Variants in KCNG4 observed in about 807,000 individuals in gnomAD.
KCNG4 encodes potassium voltage-gated channel modifier subfamily G member 4.
Under a neutral mutation model 28.2 loss-of-function variants are expected in KCNG4, and 30 were observed. The observed-to-expected ratio is 1.06, with a 90% CI of 0.80 to 1.44. The LOEUF is 1.44. Ranked by LOEUF, KCNG4 falls within the 40% of genes most tolerant of loss-of-function variation. The pLI is 0.00. For missense variants in KCNG4, 879 were observed against 712.3 expected, an observed-to-expected ratio of 1.23 and a Z score of -2.66; for synonymous variants, 375 against 315.5, an observed-to-expected ratio of 1.19 and a Z score of -2.00.
At chr16:84,228,196 T>G (rs1904739959) in intron 2 of KCNG4, among the ~76,000 whole-genome samples, 1 of 152,330 alleles carries the variant, frequency 6.6e-6, no homozygotes, top group Admixed American at 6.5e-5. Context: ...GGAAGCTCCA[T>G]CTGGGAGGGG....
intron 2 of KCNG4, among the ~76,000 whole-genome samples, chr16:84,230,980 G>A (rs1904814472): frequency 6.6e-6 from 1 of 152,230 alleles, no homozygotes; most frequent in South Asian, 2.1e-4. Flanking sequence ...GGCAGACACT[G>A]GAAGGGGATG....
At chr16:84,237,598 C>T (rs527866182) in intron 1 of KCNG4, 73 bp from the exon 2 acceptor site, 9 of 1,041,502 alleles carry the variant, frequency 8.6e-6, no homozygotes, top group South Asian at 8.4e-5. Flanking sequence ...CTGGATGTCA[C>T]GACTGCAGAT....
intron 2 of KCNG4, 28 bp downstream of exon 2, chr16:84,236,702 G>A (rs1020417184): frequency 8.8e-6 from 14 of 1,585,388 alleles, no homozygotes; most frequent in Non-Finnish European, 1.2e-5. Flanking sequence ...GCGGGATGGA[G>A]CCGTGAATGC....
intron 1 of KCNG4, 124 bp downstream of exon 1, chr16:84,239,546 G>C (rs1036298718): frequency 6.6e-6 from 1 of 152,166 alleles, no homozygotes; most frequent in Non-Finnish European, 1.5e-5. Flanking sequence ...GCTCCTTCTG[G>C]AGCACGGGAA....
At chr16:84,238,792 C>T (rs975065023) in intron 1 of KCNG4, among the ~76,000 whole-genome samples, 5 of 151,974 alleles carry the variant, frequency 3.3e-5, no homozygotes, top group Admixed American at 1.3e-4. Context: ...CGCTTGAACC[C>T]GGGAGGCGGA....
intron 2 of KCNG4, among the ~76,000 whole-genome samples, chr16:84,229,800 T>G (rs10221182): frequency 2.0e-5 from 3 of 152,034 alleles, no homozygotes; most frequent in East Asian, 1.9e-4. Context: ...CAGGGAATAT[T>G]GCTTCTTGGC....
In KCNG4 at chr16:84,222,983, A is replaced by G. The variant is rs574273861; in HGVS notation, c.794T>C (p.Val265Ala). The G allele has an allele frequency of 1.3e-6, 2 of 1,546,076 alleles. 1 individual carries two copies. The highest frequency in any genetic ancestry group is 2.5e-5 in the South Asian group (2 of 80,654). Residue 265 changes from valine (V) to alanine (A), a missense_variant, in exon 3 of 3, where the codon GTG becomes GCG. Coordinates refer to ENST00000308251, the MANE Select transcript of KCNG4 (RefSeq NM_172347.3). ...GAACCAGGCCACGCAGATGGTCTCC[A>G]CGATGAAAATATAGTAGCACTTCCG... ...CSRKCYYIFI[V>A]ETICVAWFSL...
Position 84,222,800 on chromosome 16 carries a change from C to G in KCNG4, c.977G>C (p.Ser326Thr). 1 of 1,610,422 alleles carries G rather than the reference C, an allele frequency of 6.2e-7. No individual in the cohort carries two copies. The highest frequency in any genetic ancestry group is 8.5e-7 in the Non-Finnish European group (1 of 1,177,382). ...PPEDGERPSG[S>T]SYLEKVGLVL... ...CAGCCCCACCTTCTCCAGGTAGGAG[C>G]TCCCGCTCGGCCTCTCGCCGTCCTC... The change falls in exon 3 of 3, where the codon AGC becomes ACC. Residue 326 changes from serine to threonine, a missense_variant. By Grantham distance (58) the Ser-to-Thr change is moderately conservative (BLOSUM62 1). Coordinates refer to ENST00000308251, the MANE Select transcript of KCNG4 (RefSeq NM_172347.3).
At chr16:84,234,109 G>A (rs1410664391) in intron 2 of KCNG4, among the ~76,000 whole-genome samples, 4 of 152,128 alleles carry the variant, frequency 2.6e-5, no homozygotes, top group Admixed American at 6.5e-5. Context: ...TTTAAAATCC[G>A]GTGCCCCTTA....
In KCNG4 at chr16:84,221,112, C is replaced by T. The variant is rs1474928348; in HGVS notation, c.*1105G>A. 1 of 152,378 alleles carries T rather than the reference C, an allele frequency of 6.6e-6. No individual in the cohort carries two copies. Among genetic ancestry groups the T allele is most frequent in the Non-Finnish European group, 1.5e-5 (1 of 68,140 alleles). The allele number at this position is 152,378 out of a possible 1,614,324, so 9.4% of individuals were successfully genotyped here. A position where few individuals can be genotyped will look rare whatever the true frequency, so the allele number is the denominator to read the frequency against. On this transcript the variant is annotated 3_prime_UTR_variant, in exon 3 of 3. Transcript: ENST00000308251. ...CTCAGACCTCCATCTGCCTCCTCCC[C>T]TGGATGCAAAGGACAGACTCTGTTC... is the stretch of plus-strand genomic sequence containing the variant.
chr16:84,225,119 G>A (rs1904668323), intron 2 of KCNG4, among the ~76,000 whole-genome samples: 1 of 152,124 alleles, frequency 6.6e-6, no homozygotes, highest in Non-Finnish European at 1.5e-5. Flanking sequence ...CATTGGTCAT[G>A]GACCACAGTC....
At chr16:84,227,556 G>A (rs759232586) in intron 2 of KCNG4, among the ~76,000 whole-genome samples, 16 of 152,100 alleles carry the variant, frequency 1.1e-4, no homozygotes, top group African/African-American at 2.4e-4. Context: ...CAGCCTGGGC[G>A]ACAGAGCTAG....
intron 2 of KCNG4, among the ~76,000 whole-genome samples, chr16:84,229,257 C>A (rs910341596): frequency 5.3e-5 from 8 of 150,724 alleles, no homozygotes; most frequent in African/African-American, 2.4e-5. Flanking sequence ...TGTACCATTG[C>A]ACTCCAGCCT....
chr16:84,237,347 C>T lies in KCNG4; in HGVS notation c.139G>A (p.Val47Met). The T allele has an allele frequency of 5.7e-6, 9 of 1,568,084 alleles. No individual in the cohort carries two copies. Among genetic ancestry groups the T allele is most frequent in the Non-Finnish European group, 7.8e-6 (9 of 1,157,940 alleles). Residue 47 changes from valine (V) to methionine (M), a missense_variant, in exon 2 of 3, where the codon GTG becomes ATG. Val to Met is a conservative substitution (Grantham distance 21). Coordinates refer to ENST00000308251, the MANE Select transcript of KCNG4 (RefSeq NM_172347.3). ...KGLYYRRVRK[V>M]GALDASPVDL... Reference sequence around the variant, plus strand: ...ACTGGGGAGGCGTCCAGGGCACCCACCTTCCGCACCCTCCGGTAGTAAAGG... The same window carrying T: ...ACTGGGGAGGCGTCCAGGGCACCCATCTTCCGCACCCTCCGGTAGTAAAGG...
intron 2 of KCNG4, among the ~76,000 whole-genome samples, chr16:84,224,929 G>A (rs554669755): frequency 2.0e-5 from 3 of 152,284 alleles, no homozygotes; most frequent in East Asian, 3.9e-4. Flanking sequence ...AGAGCCTAGC[G>A]CAGTTTCAAA....
At chr16:84,234,588 G>A (rs1411463327) in intron 2 of KCNG4, among the ~76,000 whole-genome samples, 1 of 152,236 alleles carries the variant, frequency 6.6e-6, no homozygotes, top group African/African-American at 2.4e-5. Context: ...TACAGCAAAT[G>A]TCCATCCATT....
chr16:84,230,950 C>CG (rs1407062311), intron 2 of KCNG4, among the ~76,000 whole-genome samples: 1 of 152,144 alleles, frequency 6.6e-6, no homozygotes, highest in East Asian at 1.9e-4. Flanking sequence ...CGCTGACAGC[C>CG]GGAGCAGAGG....
chr16:84,231,252 G>A (rs1053340185), intron 2 of KCNG4, among the ~76,000 whole-genome samples: 1 of 152,208 alleles, frequency 6.6e-6, no homozygotes. Flanking sequence ...AGAAAGAAAA[G>A]GACTTGTCCA....
intron 2 of KCNG4, among the ~76,000 whole-genome samples, chr16:84,224,486 T>G (rs1283623009): frequency 6.6e-6 from 1 of 152,040 alleles, no homozygotes; most frequent in Non-Finnish European, 1.5e-5. Context: ...CAAAGCAACT[T>G]CTCTGTGTAA....
Sources: allele counts gnomAD v4.1 joint callset (sites outside exome capture counted in the v4.1 genomes callset), GRCh38; gene constraint gnomAD v4.1.1; transcripts MANE v1.5; gene names NCBI Gene and HGNC (gene_info 2026-07-23, HGNC 2026-07-21).